The following SFMBT2 variants were observed in gnomAD, a reference collection of about 807,000 sequenced individuals.
SFMBT2 encodes scm-like with four MBT domains protein 2.
Under a neutral mutation model 110.1 loss-of-function variants are expected in SFMBT2, and 38 were observed. That is an observed-to-expected ratio of 0.35 (90% CI 0.27 to 0.45). The LOEUF is 0.45. SFMBT2 is among the 20% of genes least tolerant of loss of function. The probability of loss-of-function intolerance (pLI) is 1.00; values close to 1 mark genes in which losing one functional copy is unlikely to be tolerated. For synonymous variants in SFMBT2, 425 were observed against 425.4 expected (o/e 1.00, Z 0.01); for missense variants, 1,011 against 1,094.9 (o/e 0.92, Z 1.08).
intron 7 of SFMBT2, among the ~76,000 whole-genome samples, chr10:7,260,959 T>C (rs1236412945): frequency 6.9e-6 from 1 of 145,946 alleles, no homozygotes; most frequent in South Asian, 2.2e-4. Flanking sequence ...AAAGAAACAT[T>C]AAAAAAAAAA....
chr10:7,176,169 G>C lies in SFMBT2; in HGVS notation c.1809-4C>G. The C allele has an allele frequency of 6.2e-7, 1 of 1,614,078 alleles. No individual in the cohort carries two copies. Among genetic ancestry groups the C allele is most frequent in the Non-Finnish European group, 8.5e-7 (1 of 1,179,946 alleles). On this transcript the variant is annotated splice_polypyrimidine_tract_variant and splice_region_variant and intron_variant, in intron 16 of 20. Coordinates refer to ENST00000397167, the MANE Select transcript of SFMBT2 (RefSeq NM_001387889.1). Reference sequence around the variant, plus strand: ...CCTGTATGTTTTGCCTCTGTATCTAGAAAATAGGTGGGGAAGAAAAGCGAG... The same window carrying C: ...CCTGTATGTTTTGCCTCTGTATCTACAAAATAGGTGGGGAAGAAAAGCGAG...
intron 4 of SFMBT2, among the ~76,000 whole-genome samples, chr10:7,333,697 A>C (rs112904711): frequency 0.076 from 10,820 of 142,926 alleles, 510 homozygotes; most frequent in Non-Finnish European, 0.11. Context: ...TCTCTCCCCC[A>C]CTCCCTACAC....
chr10:7,406,528 T>C (rs1254843684), intron 1 of SFMBT2, among the ~76,000 whole-genome samples: 1 of 151,326 alleles, frequency 6.6e-6, no homozygotes, highest in East Asian at 1.9e-4. Context: ...GATAAGTGTT[T>C]AGTACTCCCA....
At chr10:7,194,019 C>T (rs578162217) in intron 15 of SFMBT2, among the ~76,000 whole-genome samples, 361 of 152,310 alleles carry the variant, frequency 2.4e-3, no homozygotes, top group South Asian at 4.4e-3. Context: ...GGATAAACAG[C>T]ATCACCACTG....
chr10:7,229,114 G>T (rs1840034358), intron 9 of SFMBT2, among the ~76,000 whole-genome samples: 1 of 152,128 alleles, frequency 6.6e-6, no homozygotes, highest in Non-Finnish European at 1.5e-5. Context: ...CTCTCTGTTG[G>T]TGGAAATCTA....
chr10:7,226,741 A>G (rs1403860089), intron 10 of SFMBT2, among the ~76,000 whole-genome samples: 1 of 152,218 alleles, frequency 6.6e-6, no homozygotes, highest in Non-Finnish European at 1.5e-5. Flanking sequence ...TGTACTGCAT[A>G]GTGACGTTTC....
intron 12 of SFMBT2, chr10:7,205,391 T>C (rs1262559094): frequency 4.1e-5 from 40 of 984,672 alleles, no homozygotes; most frequent in Non-Finnish European, 4.8e-5. Context: ...GTGCCTAGCC[T>C]GGTTAAGTGT....
intron 4 of SFMBT2, among the ~76,000 whole-genome samples, chr10:7,351,877 A>G (rs1844330632): frequency 6.8e-6 from 1 of 146,434 alleles, no homozygotes; most frequent in Non-Finnish European, 1.5e-5. Flanking sequence ...CTGTAAAAAA[A>G]AAAATATATA....
At chr10:7,247,668 A>G (rs993161116) in intron 8 of SFMBT2, among the ~76,000 whole-genome samples, 2 of 152,244 alleles carry the variant, frequency 1.3e-5, no homozygotes, top group African/African-American at 4.8e-5. Flanking sequence ...TTTAAGAAAA[A>G]GAAATTAAAA....
At chr10:7,274,638 C>G (rs965106653) in intron 7 of SFMBT2, among the ~76,000 whole-genome samples, 2 of 152,140 alleles carry the variant, frequency 1.3e-5, no homozygotes, top group African/African-American at 4.8e-5. Flanking sequence ...TCAATTAAAC[C>G]TCTTTCCTTT....
chr10:7,297,771 A>T (rs1307692064), intron 4 of SFMBT2, among the ~76,000 whole-genome samples: 1 of 152,194 alleles, frequency 6.6e-6, no homozygotes, highest in Non-Finnish European at 1.5e-5. Context: ...TTAAATTATA[A>T]ATTCGCTATA....
chr10:7,167,366 A>AT (rs1837724615), intron 20 of SFMBT2, among the ~76,000 whole-genome samples: 1 of 152,170 alleles, frequency 6.6e-6, no homozygotes, highest in African/African-American at 2.4e-5. Context: ...TGGAGTATAG[A>AT]TTTTTTAAGC....
chr10:7,405,372 C>G (rs1264657784), intron 1 of SFMBT2, among the ~76,000 whole-genome samples: 1 of 152,222 alleles, frequency 6.6e-6, no homozygotes, highest in Non-Finnish European at 1.5e-5. Flanking sequence ...TAACCCAGTC[C>G]ATACCTTTAT....
chr10:7,291,536 T>C (rs536238842), intron 4 of SFMBT2, among the ~76,000 whole-genome samples: 1 of 152,308 alleles, frequency 6.6e-6, no homozygotes, highest in East Asian at 1.9e-4. Context: ...CTCTGATTCC[T>C]GGGGGCTGTT....
In SFMBT2 at chr10:7,367,577, G is replaced by A; in HGVS notation, c.436+72C>T. ...AGGGATTCTACGCAAGGTTCTCTCT[G>A]CTCCTTGCAAAATTACAGGCGTCAT... On this transcript the variant is annotated intron_variant, in intron 4 of 20. Transcript: ENST00000397167. The surrounding 1 kb of genome is among the most constrained non-coding windows in gnomAD (Gnocchi z 6.2). 3.2e-6 allele frequency: 5 copies of A among 1,558,094 alleles called. No individual in the cohort carries two copies. The highest frequency in any genetic ancestry group is 4.3e-6 in the Non-Finnish European group (5 of 1,155,020).
At chr10:7,176,333 G>A (rs1163861328) in intron 16 of SFMBT2, 168 bp from the exon 17 acceptor site, 9 of 521,364 alleles carry the variant, frequency 1.7e-5, no homozygotes, top group African/African-American at 2.1e-5. Context: ...TTTATAAGAA[G>A]TGCTCACTAG....
chr10:7,242,622 C>T (rs890211827), intron 9 of SFMBT2, among the ~76,000 whole-genome samples: 6 of 152,100 alleles, frequency 3.9e-5, no homozygotes, highest in African/African-American at 9.7e-5. Context: ...GCATCTCCTC[C>T]GTAAGGACAA....
chr10:7,227,856 T>C lies in SFMBT2; in HGVS notation c.1202A>G (p.Asn401Ser), dbSNP rs1208693184. The C allele has an allele frequency of 1.9e-6, 3 of 1,608,350 alleles. No homozygotes were observed. The Admixed American group carries it at 5.1e-5, about 27-fold the overall frequency. Residue 401 changes from asparagine (N) to serine (S), a missense_variant and splice_region_variant, in exon 10 of 21, where the codon AAT becomes AGT. Around this residue, in one of 2 missense-constraint regions of SFMBT2, gnomAD observed 979 missense variants for 1,016.1 expected, o/e 0.96. Coordinates refer to ENST00000397167, the MANE Select transcript of SFMBT2 (RefSeq NM_001387889.1). ...TTAGGTAAGAGAGAAGCTTCTTACA[T>C]TTCGGAAGCAGAAGGGAGGGGCTTC... ...AQEAPPFCFRNTSFSRGFTKN... is the reference protein window; with the variant it reads ...AQEAPPFCFRSTSFSRGFTKN...
intron 9 of SFMBT2, among the ~76,000 whole-genome samples, chr10:7,230,747 A>G (rs1166338618): frequency 6.6e-6 from 1 of 152,184 alleles, no homozygotes; most frequent in Admixed American, 6.5e-5. Context: ...AGCCTGACCA[A>G]CATCGTAAAA....
Sources: gnomAD v4.1 joint callset for allele counts (sites outside exome capture counted in the v4.1 genomes callset) on GRCh38, gnomAD v4.1.1 for gene constraint, gnomAD v4.1.1 regional missense constraint, Gnocchi (gnomAD v3.1) non-coding constraint, MANE v1.5 for transcripts, NCBI Gene and HGNC (gene_info 2026-07-23, HGNC 2026-07-21) for gene names.